ARHGAP15: variants seen among roughly 807,000 people sequenced by gnomAD.
The protein encoded by ARHGAP15 is rho GTPase-activating protein 15.
Under a neutral mutation model 63.7 loss-of-function variants are expected in ARHGAP15, and 51 were observed. The observed-to-expected ratio is 0.80, with a 90% confidence interval of 0.64 to 1.01. The LOEUF (loss-of-function observed/expected upper bound fraction) is 1.01, where lower values mean the gene tolerates loss of function less well. ARHGAP15 is among the 50% of genes least tolerant of loss of function. The pLI is 0.00. For missense variants in ARHGAP15, 560 were observed against 564.6 expected (o/e 0.99, Z 0.08); for synonymous variants, 191 against 193.8 (o/e 0.99, Z 0.12).
intron 4 of ARHGAP15, among the ~76,000 whole-genome samples, chr2:143,218,433 C>G (rs1219537235): frequency 6.6e-6 from 1 of 151,912 alleles, no homozygotes; most frequent in African/African-American, 2.4e-5. Flanking sequence ...CCAATCCTTG[C>G]TTCAATCCCT....
At chr2:143,280,303 T>C (rs556171669) in intron 6 of ARHGAP15, among the ~76,000 whole-genome samples, 251 of 152,066 alleles carry the variant, frequency 1.7e-3, no homozygotes, top group Middle Eastern at 6.8e-3. Flanking sequence ...GGCAACTCAA[T>C]AGGAGCAAGA....
chr2:143,304,396 T>C (rs1050363535), intron 6 of ARHGAP15, among the ~76,000 whole-genome samples: 1 of 151,700 alleles, frequency 6.6e-6, no homozygotes, highest in African/African-American at 2.4e-5. Context: ...TAGGTGGGAA[T>C]TGAACAATGA....
At chr2:143,133,446 G>T (rs1401771213) in intron 1 of ARHGAP15, among the ~76,000 whole-genome samples, 3 of 152,180 alleles carry the variant, frequency 2.0e-5, no homozygotes, top group Non-Finnish European at 4.4e-5. Flanking sequence ...TTGATGGGTT[G>T]TCTGTCTAGG....
chr2:143,155,628 C>G lies in ARHGAP15; in HGVS notation c.138C>G (p.Leu46=), dbSNP rs765456843. The G allele has an allele frequency of 3.2e-6, 5 of 1,585,470 alleles. No homozygotes were observed. In the Admixed American group the frequency reaches 9.4e-5, roughly 30 times the overall value. ...DRLSQSKSMI[L]TDVGKVTEPI... ...TCAGCCAAAGTAAATCCATGATCCT[C>G]ACCGATGTCGGGAAGGTCACTGAAC... Residue 46 remains leucine (L), a synonymous_variant, in exon 2 of 14, where the codon CTC becomes CTG. Transcript: ENST00000295095.
intron 4 of ARHGAP15, among the ~76,000 whole-genome samples, chr2:143,220,002 T>G (rs1692924459): frequency 6.6e-6 from 1 of 152,214 alleles, no homozygotes; most frequent in Non-Finnish European, 1.5e-5. Flanking sequence ...GGGGCTTGTT[T>G]TGTTTTTATT....
At chr2:143,750,325 C>T (rs1403618651) in intron 13 of ARHGAP15, among the ~76,000 whole-genome samples, 1 of 152,078 alleles carries the variant, frequency 6.6e-6, no homozygotes, top group Non-Finnish European at 1.5e-5. Flanking sequence ...CCTATAATCC[C>T]AGCCACTCAG....
In ARHGAP15 at chr2:143,586,976, T is replaced by C. The variant is rs191985995; in HGVS notation, c.1003+30491T>C. 7.2e-5 allele frequency among the ~76,000 whole-genome samples: 11 copies of C among 152,204 alleles called. No individual in the cohort carries two copies. The East Asian group carries it at 1.7e-3, about 24-fold the overall frequency. ...CAACACAGCTCTGTGTGTCAGAATC[T>C]AGAAATTTCTGTTTCCTCTTCCTCC... On this transcript the variant is annotated intron_variant, in intron 11 of 13. Coordinates refer to ENST00000295095, the MANE Select transcript of ARHGAP15 (RefSeq NM_018460.4).
chr2:143,341,804 A>C (rs908516122), intron 6 of ARHGAP15, among the ~76,000 whole-genome samples: 3 of 152,128 alleles, frequency 2.0e-5, no homozygotes, highest in Non-Finnish European at 4.4e-5. Flanking sequence ...CATTGCCCTG[A>C]TCAGTCACAG....
At chr2:143,263,293 C>T (rs901840945) in intron 6 of ARHGAP15, among the ~76,000 whole-genome samples, 20 of 152,124 alleles carry the variant, frequency 1.3e-4, no homozygotes, top group African/African-American at 4.8e-4. Flanking sequence ...TCTTAAAGAT[C>T]TGGAATGGTA....
intron 6 of ARHGAP15, among the ~76,000 whole-genome samples, chr2:143,333,380 A>G (rs1684633299): frequency 6.6e-6 from 1 of 152,190 alleles, no homozygotes; most frequent in Admixed American, 6.5e-5. Context: ...TGCCATGTCT[A>G]TGTAACTCAT....
At chr2:143,661,177 G>A (rs1175287235) in intron 12 of ARHGAP15, among the ~76,000 whole-genome samples, 1 of 152,162 alleles carries the variant, frequency 6.6e-6, no homozygotes, top group Non-Finnish European at 1.5e-5. Context: ...AATGTGATCA[G>A]ATCAGGCCCA....
intron 8 of ARHGAP15, among the ~76,000 whole-genome samples, chr2:143,457,717 G>A (rs1179875218): frequency 6.6e-6 from 1 of 151,392 alleles, no homozygotes; most frequent in Non-Finnish European, 1.5e-5. Context: ...TTTAAAATGT[G>A]ATCTGTGTAA....
intron 6 of ARHGAP15, among the ~76,000 whole-genome samples, chr2:143,428,343 G>A (rs770575825): frequency 9.9e-5 from 15 of 151,828 alleles, no homozygotes; most frequent in Admixed American, 5.9e-4. Flanking sequence ...GTGGGTCAGT[G>A]CCAGAGCACA....
intron 7 of ARHGAP15, 150 bp downstream of exon 7, chr2:143,435,849 A>T (rs1689590969): frequency 3.8e-6 from 3 of 783,110 alleles, no homozygotes; most frequent in Non-Finnish European, 5.6e-6. Context: ...ATCTACTAAA[A>T]ACCTTTTCAG....
intron 6 of ARHGAP15, among the ~76,000 whole-genome samples, chr2:143,417,604 A>C (rs1199388314): frequency 1.3e-5 from 2 of 152,190 alleles, no homozygotes; most frequent in Non-Finnish European, 2.9e-5. Flanking sequence ...CAGAAGCACC[A>C]AGTAGTGAAA....
At chr2:143,335,951 C>G (rs1258728557) in intron 6 of ARHGAP15, among the ~76,000 whole-genome samples, 1 of 151,990 alleles carries the variant, frequency 6.6e-6, no homozygotes, top group Non-Finnish European at 1.5e-5. Flanking sequence ...AGGAAGGAAG[C>G]TGGAATAGTA....
At chr2:143,490,240 C>G (rs1211206908) in intron 9 of ARHGAP15, among the ~76,000 whole-genome samples, 1 of 152,066 alleles carries the variant, frequency 6.6e-6, no homozygotes, top group Non-Finnish European at 1.5e-5. Context: ...ACCTCGTGAT[C>G]CACCCGCCTC....
chr2:143,320,577 T>C (rs930228005), intron 6 of ARHGAP15, among the ~76,000 whole-genome samples: 1 of 151,798 alleles, frequency 6.6e-6, no homozygotes, highest in African/African-American at 2.4e-5. Flanking sequence ...GACGCTACAA[T>C]CTAACTGGGC....
chr2:143,307,647 A>T (rs1208830791), intron 6 of ARHGAP15, among the ~76,000 whole-genome samples: 1 of 152,136 alleles, frequency 6.6e-6, no homozygotes, highest in Non-Finnish European at 1.5e-5. Context: ...AAAGAGAGAG[A>T]AAAGAGAAAC....
Sources: gnomAD v4.1 joint callset for allele counts (sites outside exome capture counted in the v4.1 genomes callset) on GRCh38, gnomAD v4.1.1 for gene constraint, MANE v1.5 for transcripts, NCBI Gene and HGNC (gene_info 2026-07-23, HGNC 2026-07-21) for gene names.